Variants in SPECC1L observed in about 807,000 individuals in gnomAD.
SPECC1L encodes cytospin-A.
Under a neutral mutation model 116.8 loss-of-function variants are expected in SPECC1L, and 40 were observed. That is an observed-to-expected ratio of 0.34 (90% CI 0.27 to 0.45). The LOEUF is 0.45. Among genes scored for constraint, SPECC1L ranks in the 20% least tolerant of loss-of-function variants. The pLI, the probability that SPECC1L is intolerant of heterozygous loss-of-function variation, is 1.00. For synonymous variants in SPECC1L, 504 were observed against 500.6 expected, an observed-to-expected ratio of 1.01 and a Z score of -0.09; for missense variants, 1,110 against 1,373.6, an observed-to-expected ratio of 0.81 and a Z score of 3.03.
intron 3 of SPECC1L, among the ~76,000 whole-genome samples, chr22:24,309,044 C>G (rs1380157213): frequency 6.6e-6 from 1 of 152,140 alleles, no homozygotes; most frequent in Non-Finnish European, 1.5e-5. Flanking sequence ...GCCCTAGAAT[C>G]AGCCATTTCT....
chr22:24,322,592 A>C lies in SPECC1L; in HGVS notation c.1612A>C (p.Lys538Gln), dbSNP rs1346874371. The C allele has an allele frequency of 6.2e-7, 1 of 1,614,244 alleles. No individual in the cohort carries two copies. ...AGCTCAAGAAATGATAGGGGCACTC[A>C]AAGAACGCAGTCACCATATGGAGCG... ...KEAQEMIGALKERSHHMERII... is the reference protein window; with the variant it reads ...KEAQEMIGALQERSHHMERII... The change falls in exon 5 of 17, where the codon AAA becomes CAA. Residue 538 changes from lysine to glutamine, a missense_variant. Coordinates refer to ENST00000314328, the MANE Select transcript of SPECC1L (RefSeq NM_015330.6).
chr22:24,377,107 G>A (rs1345317932), intron 14 of SPECC1L, among the ~76,000 whole-genome samples: 6 of 151,976 alleles, frequency 3.9e-5, no homozygotes, highest in Admixed American at 3.9e-4. Context: ...CACAATATGT[G>A]GTCCTCTGTG....
intron 3 of SPECC1L, among the ~76,000 whole-genome samples, chr22:24,308,332 T>G (rs2049542663): frequency 6.6e-6 from 1 of 152,254 alleles, no homozygotes; most frequent in Non-Finnish European, 1.5e-5. Flanking sequence ...GTTGTTATGC[T>G]CCTCATCCTA....
chr22:24,396,629 T>G (rs1404637393), intron 14 of SPECC1L, among the ~76,000 whole-genome samples: 1 of 152,218 alleles, frequency 6.6e-6, no homozygotes, highest in Non-Finnish European at 1.5e-5. Flanking sequence ...CTGAAACATA[T>G]TATTATTTCC....
intron 9 of SPECC1L, among the ~76,000 whole-genome samples, chr22:24,335,998 A>G (rs946736017): frequency 5.3e-5 from 8 of 152,096 alleles, no homozygotes; most frequent in Non-Finnish European, 1.0e-4. Context: ...ATACATATGT[A>G]TACATATACA....
chr22:24,325,048 C>G (rs966826591), intron 6 of SPECC1L, among the ~76,000 whole-genome samples: 1 of 152,154 alleles, frequency 6.6e-6, no homozygotes, highest in African/African-American at 2.4e-5. Context: ...CAGAGTTGTT[C>G]AGAACAAAGT....
chr22:24,409,299 C>T (rs1220260415), intron 14 of SPECC1L, among the ~76,000 whole-genome samples: 1 of 152,058 alleles, frequency 6.6e-6, no homozygotes, highest in East Asian at 1.9e-4. Flanking sequence ...AGGAAGCTGG[C>T]TCTTGGTGCA....
At chr22:24,308,073 TG>T (rs1055303465) in intron 3 of SPECC1L, among the ~76,000 whole-genome samples, 3 of 150,890 alleles carry the variant, frequency 2.0e-5, no homozygotes, top group African/African-American at 7.3e-5. Flanking sequence ...TTTTTGGGGG[TG>T]GGGGGGCTGT....
chr22:24,292,307 G>T (rs1569406889), intron 2 of SPECC1L, among the ~76,000 whole-genome samples: 1 of 152,168 alleles, frequency 6.6e-6, no homozygotes, highest in Non-Finnish European at 1.5e-5. Flanking sequence ...TGGATGGTTG[G>T]TGAGGGTGGG....
chr22:24,352,564 A>T (rs2041447487), intron 11 of SPECC1L, among the ~76,000 whole-genome samples: 1 of 152,256 alleles, frequency 6.6e-6, no homozygotes, highest in South Asian at 2.1e-4. Context: ...GGTACATACC[A>T]TAAATTTGTA....
intron 9 of SPECC1L, among the ~76,000 whole-genome samples, chr22:24,336,070 TA>T (rs2041048227): frequency 6.6e-6 from 1 of 151,962 alleles, no homozygotes; most frequent in South Asian, 2.1e-4. Flanking sequence ...AAATACCTAC[TA>T]AAAGAATTAA....
chr22:24,405,568 G>A (rs188909181), intron 14 of SPECC1L, among the ~76,000 whole-genome samples: 57 of 152,154 alleles, frequency 3.7e-4, no homozygotes, highest in African/African-American at 1.2e-3. Flanking sequence ...GGCTGGGCAC[G>A]GTAGCTCACA....
At chr22:24,390,634 C>T (rs901658257) in intron 14 of SPECC1L, among the ~76,000 whole-genome samples, 3 of 152,060 alleles carry the variant, frequency 2.0e-5, no homozygotes, top group Admixed American at 1.3e-4. Context: ...CAAGAATGGC[C>T]AGCCTTGCGT....
intron 4 of SPECC1L, among the ~76,000 whole-genome samples, chr22:24,321,023 A>G (rs1046993576): frequency 2.7e-4 from 41 of 152,250 alleles, no homozygotes; most frequent in African/African-American, 9.9e-4. Flanking sequence ...GTAGAAATGT[A>G]ATTCACATTC....
At chr22:24,276,389 C>T (rs147863324) in intron 1 of SPECC1L, among the ~76,000 whole-genome samples, 188 of 152,240 alleles carry the variant, frequency 1.2e-3, no homozygotes, top group African/African-American at 4.1e-3. Context: ...CTAGGGATCA[C>T]ACCACTGTTC....
rs780871420 is a variant in SPECC1L at position 24,322,807 on chromosome 22, G to T, written c.1827G>T (p.Leu609=). ...SGDKSDIQDL[L]ESVRLDKEKA... ...ACAAATCTGATATTCAGGACCTCCT[G>T]GAGAGTGTCAGGCTGGACAAAGAAA... Residue 609 remains leucine (L), a synonymous_variant, in exon 5 of 17, where the codon CTG becomes CTT. Transcript: ENST00000314328. 8.1e-6 allele frequency: 13 copies of T among 1,603,460 alleles called. No individual in the cohort carries two copies. The South Asian group carries it at 1.3e-4, about 17-fold the overall frequency.
At chr22:24,304,892 T>C (rs1469294315) in intron 3 of SPECC1L, among the ~76,000 whole-genome samples, 1 of 152,216 alleles carries the variant, frequency 6.6e-6, no homozygotes, top group African/African-American at 2.4e-5. Context: ...TATACGTACC[T>C]GGTTGTAGTA....
At chr22:24,295,264 G>A (rs935993119) in intron 2 of SPECC1L, among the ~76,000 whole-genome samples, 7 of 150,490 alleles carry the variant, frequency 4.7e-5, no homozygotes, top group Non-Finnish European at 8.8e-5. Flanking sequence ...TTAAATTATG[G>A]CAAATATTTT....
At chr22:24,298,847 A>G (rs1277200912) in intron 2 of SPECC1L, among the ~76,000 whole-genome samples, 1 of 152,224 alleles carries the variant, frequency 6.6e-6, no homozygotes, top group South Asian at 2.1e-4. Context: ...ATCCAGAAAC[A>G]CCCTCACAGA....
Sources: allele counts gnomAD v4.1 joint callset (sites outside exome capture counted in the v4.1 genomes callset), GRCh38; gene constraint gnomAD v4.1.1; transcripts MANE v1.5; gene names NCBI Gene and HGNC (gene_info 2026-07-23, HGNC 2026-07-21).